HOMER1: variants seen among roughly 807,000 people sequenced by gnomAD.
HOMER1 encodes homer scaffold protein 1, also known as homer protein homolog 1.
A neutral mutation model predicts 48.9 loss-of-function variants in HOMER1; 3 were observed. The ratio of observed to expected loss-of-function variants is 0.06; its 90% CI spans 0.03 to 0.16. The LOEUF is 0.16. Ranked by LOEUF, HOMER1 falls within the 10% of genes least tolerant of loss-of-function variation. The pLI is 1.00. For synonymous variants in HOMER1, 134 were observed against 146.4 expected (o/e 0.92, Z 0.61); for missense variants, 247 against 411.4 (o/e 0.60, Z 3.46).
At chr5:79,496,686 C>T (rs1752429646) in intron 1 of HOMER1, among the ~76,000 whole-genome samples, 1 of 152,012 alleles carries the variant, frequency 6.6e-6, no homozygotes, top group Admixed American at 6.6e-5. Flanking sequence ...CTGAGGCTCA[C>T]CAGATATTCC....
intron 5 of HOMER1, among the ~76,000 whole-genome samples, chr5:79,403,439 T>C (rs1749583220): frequency 6.6e-6 from 1 of 152,156 alleles, no homozygotes; most frequent in African/African-American, 2.4e-5. Context: ...CCTGATATGA[T>C]GTACAGAGAA....
intron 1 of HOMER1, among the ~76,000 whole-genome samples, chr5:79,483,884 G>A (rs1195721390): frequency 9.9e-5 from 15 of 151,400 alleles, no homozygotes; most frequent in African/African-American, 1.9e-4. Flanking sequence ...GTAAAACCCC[G>A]TCTCTACTAA....
chr5:79,386,621 T>C (rs556712081), intron 8 of HOMER1, among the ~76,000 whole-genome samples: 42 of 152,236 alleles, frequency 2.8e-4, no homozygotes, highest in African/African-American at 7.9e-4. Flanking sequence ...AAGAGAGGGA[T>C]TGAAATATTA....
chr5:79,478,526 T>G (rs1381918803), intron 1 of HOMER1, among the ~76,000 whole-genome samples: 1 of 150,120 alleles, frequency 6.7e-6, no homozygotes, highest in African/African-American at 2.5e-5. Context: ...TCGTCTCTAC[T>G]AAAATACAAA....
At chr5:79,422,827 CTTT>C (rs556704839) in intron 5 of HOMER1, among the ~76,000 whole-genome samples, 2 of 121,530 alleles carry the variant, frequency 1.6e-5, no homozygotes, top group Non-Finnish European at 3.5e-5. Context: ...AAGATGATCT[CTTT>C]TTTTTTTTTT....
At chr5:79,434,689 C>T (rs1750525856) in intron 5 of HOMER1, among the ~76,000 whole-genome samples, 1 of 152,092 alleles carries the variant, frequency 6.6e-6, no homozygotes, top group East Asian at 1.9e-4. Context: ...AATAAGTACA[C>T]TAAAACAGTA....
chr5:79,377,752 T>C (rs993374447), intron 8 of HOMER1, among the ~76,000 whole-genome samples: 3 of 152,160 alleles, frequency 2.0e-5, no homozygotes, highest in Admixed American at 6.5e-5. Flanking sequence ...TCACTGAAAC[T>C]GGCAAAAATT....
intron 8 of HOMER1, among the ~76,000 whole-genome samples, chr5:79,386,136 A>C (rs963268897): frequency 2.0e-5 from 3 of 152,222 alleles, no homozygotes; most frequent in African/African-American, 7.2e-5. Flanking sequence ...GGGGAAATAA[A>C]TCAGTACATC....
At chr5:79,485,232 T>C (rs780605826) in intron 1 of HOMER1, among the ~76,000 whole-genome samples, 7 of 152,166 alleles carry the variant, frequency 4.6e-5, no homozygotes, top group Non-Finnish European at 8.8e-5. Flanking sequence ...TCAACAAAAA[T>C]ATTTTGAGGA....
chr5:79,443,963 A>G (rs574412505), intron 4 of HOMER1, among the ~76,000 whole-genome samples: 21 of 152,356 alleles, frequency 1.4e-4, no homozygotes, highest in African/African-American at 5.1e-4. Context: ...AGTAATTTAT[A>G]TCTAGGTTTG....
chr5:79,428,523 T>C (rs923401601), intron 5 of HOMER1, among the ~76,000 whole-genome samples: 2 of 152,050 alleles, frequency 1.3e-5, no homozygotes, highest in African/African-American at 2.4e-5. Context: ...GATGATATAA[T>C]TTTATATATA....
intron 1 of HOMER1, among the ~76,000 whole-genome samples, chr5:79,471,233 A>G (rs578173147): frequency 6.6e-6 from 1 of 152,284 alleles, no homozygotes; most frequent in Admixed American, 6.5e-5. Context: ...TCACAGTAAA[A>G]TACAAAGTCC....
chr5:79,385,664 T>G (rs1749090404), intron 8 of HOMER1, among the ~76,000 whole-genome samples: 1 of 151,696 alleles, frequency 6.6e-6, no homozygotes, highest in African/African-American at 2.4e-5. Context: ...CAACATGGTG[T>G]AAACCCCATC....
At chr5:79,432,941 GT>G (rs1750464464) in intron 5 of HOMER1, among the ~76,000 whole-genome samples, 1 of 152,076 alleles carries the variant, frequency 6.6e-6, no homozygotes, top group African/African-American at 2.4e-5. Context: ...AGTTTTTGAG[GT>G]TTGATAGTGG....
chr5:79,436,007 TC>T, intron 5 of HOMER1, among the ~76,000 whole-genome samples: 1 of 147,306 alleles, frequency 6.8e-6, no homozygotes, highest in East Asian at 2.0e-4. Flanking sequence ...GCGCCTGTAG[TC>T]CCAGCTACTC....
chr5:79,403,211 C>T (rs1749577731), intron 5 of HOMER1, among the ~76,000 whole-genome samples: 1 of 152,104 alleles, frequency 6.6e-6, no homozygotes, highest in Admixed American at 6.6e-5. Flanking sequence ...TAGTTAAATT[C>T]TACTAACCTC....
At chr5:79,474,083 G>C (rs545779294) in intron 1 of HOMER1, among the ~76,000 whole-genome samples, 47 of 152,092 alleles carry the variant, frequency 3.1e-4, no homozygotes, top group African/African-American at 1.1e-3. Flanking sequence ...CCAGGCTGGA[G>C]TGCAGTAGTA....
intron 4 of HOMER1, among the ~76,000 whole-genome samples, chr5:79,439,985 T>G (rs1202958925): frequency 2.0e-5 from 3 of 151,818 alleles, no homozygotes; most frequent in Non-Finnish European, 4.4e-5. Context: ...CTAGGGGAGG[T>G]GCTAAAACCA....
intron 1 of HOMER1, among the ~76,000 whole-genome samples, chr5:79,465,990 A>G (rs1214256818): frequency 2.0e-5 from 3 of 152,138 alleles, no homozygotes; most frequent in Non-Finnish European, 4.4e-5. Context: ...GGCCACTTTA[A>G]TAAGTAGCTA....
Sources: allele counts gnomAD v4.1 joint callset (sites outside exome capture counted in the v4.1 genomes callset), GRCh38; gene constraint gnomAD v4.1.1; transcripts MANE v1.5; gene names NCBI Gene and HGNC (gene_info 2026-07-23, HGNC 2026-07-21).